OPALIN: variants seen among roughly 807,000 people sequenced by gnomAD.
OPALIN encodes the protein transmembrane protein 10.
OPALIN carries 15 observed loss-of-function variants against 17.8 expected under a neutral mutation model. The ratio of observed to expected loss-of-function variants is 0.84; its 90% CI spans 0.56 to 1.29. OPALIN has a LOEUF of 1.29. Among genes scored for constraint, OPALIN ranks in the 50% most tolerant of loss-of-function variants. The pLI, the probability that OPALIN is intolerant of heterozygous loss-of-function variation, is 0.00. For synonymous variants in OPALIN, 62 were observed against 63.8 expected (o/e 0.97, Z 0.14); for missense variants, 170 against 176.0 (o/e 0.97, Z 0.19).
chr10:96,354,790 T>C (rs1358311577), intron 2 of OPALIN, among the ~76,000 whole-genome samples: 1 of 151,874 alleles, frequency 6.6e-6, no homozygotes, highest in African/African-American at 2.4e-5. Flanking sequence ...TATTCCTCAG[T>C]GCGTTTTGAA....
chr10:96,356,224 AC>A (rs1161753733), intron 1 of OPALIN, among the ~76,000 whole-genome samples: 1 of 151,866 alleles, frequency 6.6e-6, no homozygotes, highest in Non-Finnish European at 1.5e-5. Flanking sequence ...GGTCTCCCTG[AC>A]CCCCAGATAT....
intron 2 of OPALIN, chr10:96,353,495 G>T: frequency 6.9e-7 from 1 of 1,455,892 alleles, no homozygotes; most frequent in South Asian, 1.1e-5. Context: ...GCTAAAAACA[G>T]ACAACACCAG....
In OPALIN at chr10:96,348,334, T is replaced by C. The variant is rs1368747865; in HGVS notation, c.204A>G (p.Arg68=). 6.5e-7 allele frequency: 1 copy of C among 1,530,062 alleles called. No homozygotes were observed. Among genetic ancestry groups the C allele is most frequent in the East Asian group, 2.3e-5 (1 of 44,242 alleles). The allele number at this position is 1,530,062 out of a possible 1,614,324, so 94.8% of individuals were successfully genotyped here. ...CATCAATTTCTGAAATTTCACATGGTCTGTCACTTTCCTAAATTGGAAAAA... is the reference window on the plus strand; with the variant it reads ...CATCAATTTCTGAAATTTCACATGGCCTGTCACTTTCCTAAATTGGAAAAA... ...SSIEAMEESD[R]PCEISEIDDN... is the part of the protein sequence containing the mutation. The change falls in exon 5 of 6, where the codon AGA becomes AGG. Residue 68 remains arginine (R), a synonymous_variant. Coordinates refer to ENST00000371172, the MANE Select transcript of OPALIN (RefSeq NM_033207.5).
chr10:96,352,323 A>G (rs769243906), intron 2 of OPALIN, among the ~76,000 whole-genome samples: 1 of 149,840 alleles, frequency 6.7e-6, no homozygotes, highest in Non-Finnish European at 1.5e-5. Flanking sequence ...ACTTTTGACA[A>G]TTATTAACTC....
rs112566019 is a variant in OPALIN at position 96,355,381 on chromosome 10, G to A, written c.4-91C>T. On this transcript the variant is annotated intron_variant, in intron 1 of 5. Coordinates refer to ENST00000371172, the MANE Select transcript of OPALIN (RefSeq NM_033207.5). ...AAACTCACTGACCCTGGTGGATTCC[G>A]AGAGGTCATTGATCCTATAGACTCA... The A allele has an allele frequency of 1.1e-4, 132 of 1,200,664 alleles. 2 individuals are homozygous for A. The highest frequency in any genetic ancestry group is 7.9e-4 in the African/African-American group (53 of 66,962). The allele number at this position is 1,200,664 out of a possible 1,614,324, so 74.4% of individuals were successfully genotyped here.
At chr10:96,358,031 A>G (rs1218659386) in intron 1 of OPALIN, among the ~76,000 whole-genome samples, 2 of 151,998 alleles carry the variant, frequency 1.3e-5, no homozygotes, top group African/African-American at 4.8e-5. Context: ...CAACCTCCCC[A>G]TGAAGGGAGC....
chr10:96,353,696 G>A (rs1845684659), intron 2 of OPALIN, among the ~76,000 whole-genome samples: 1 of 152,166 alleles, frequency 6.6e-6, no homozygotes, highest in Admixed American at 6.5e-5. Flanking sequence ...TTGATGTGAT[G>A]GGCCAAGATA....
At chr10:96,354,372 A>G (rs897939645) in intron 2 of OPALIN, among the ~76,000 whole-genome samples, 2 of 152,246 alleles carry the variant, frequency 1.3e-5, no homozygotes, top group Non-Finnish European at 2.9e-5. Context: ...TTTAGAATAC[A>G]TACAAGGAAA....
chr10:96,353,262 C>G (rs1845659033), intron 2 of OPALIN, among the ~76,000 whole-genome samples: 1 of 152,204 alleles, frequency 6.6e-6, no homozygotes, highest in African/African-American at 2.4e-5. Flanking sequence ...TAGACTGAAC[C>G]TGGCATTTCA....
At chr10:96,348,265 G>C in intron 5 of OPALIN, 24 bp downstream of exon 5, 1 of 1,262,324 alleles carries the variant, frequency 7.9e-7, no homozygotes, top group Non-Finnish European at 1.2e-6. Context: ...ATGGTATATA[G>C]AGAGTATAAC....
intron 1 of OPALIN, among the ~76,000 whole-genome samples, chr10:96,358,210 A>AAAAAAAAAAAAT (rs1845890110): frequency 6.6e-6 from 1 of 150,642 alleles, no homozygotes; most frequent in Non-Finnish European, 1.5e-5. Flanking sequence ...AAAAAAAAAA[A>AAAAAAAAAAAAT]AAAAAATTCC....
chr10:96,347,213 C>G (rs574154341), intron 5 of OPALIN, among the ~76,000 whole-genome samples: 24 of 151,120 alleles, frequency 1.6e-4, no homozygotes, highest in African/African-American at 5.8e-4. Context: ...TGCTTCAGCC[C>G]CCCACGAAGT....
intron 3 of OPALIN, 152 bp from the exon 4 acceptor site, chr10:96,349,978 ATGTT>A: frequency 1.2e-6 from 1 of 808,190 alleles, no homozygotes; most frequent in South Asian, 2.2e-5. Context: ...CTGTGCAAAA[ATGTT>A]TGTAACACAC....
chr10:96,345,992 CATTTCT>C lies in OPALIN; in HGVS notation c.369_374del (p.Ile123_Glu124del). ...GCCACCACAATCCCCTCCTTCTTTC[CATTTCT>C]ATAGTAGGACGGTAACGGTCATGCA... On this transcript the variant is annotated inframe_deletion, in exon 6 of 6. Transcript: ENST00000371172. 2 of 1,614,164 alleles carry C rather than the reference CATTTCT, an allele frequency of 1.2e-6. No homozygotes were observed. Among genetic ancestry groups the C allele is most frequent in the Non-Finnish European group, 1.7e-6 (2 of 1,180,000 alleles).
At chr10:96,353,406 G>A (rs1298364428) in intron 2 of OPALIN, 2 of 1,613,272 alleles carry the variant, frequency 1.2e-6, no homozygotes, top group African/African-American at 2.7e-5. Flanking sequence ...AAGTGGAAGG[G>A]TTATGCAGTA....
Position 96,348,699 on chromosome 10 carries a change from A to G in OPALIN, c.193-354T>C, listed in dbSNP as rs369998022. Among the ~76,000 whole-genome samples the G allele has an allele frequency of 1.0e-3, 159 of 152,350 alleles. 1 individual carries two copies. Among genetic ancestry groups the G allele is most frequent in the African/African-American group, 3.7e-3 (154 of 41,584 alleles). On this transcript the variant is annotated intron_variant, in intron 4 of 5. Coordinates refer to ENST00000371172, the MANE Select transcript of OPALIN (RefSeq NM_033207.5). ...TTTGTTTTTTCAAGATCAGTGCCACAGCTTTGTCATCCAGAAATTCTGATT... is the reference window on the plus strand; with the variant it reads ...TTTGTTTTTTCAAGATCAGTGCCACGGCTTTGTCATCCAGAAATTCTGATT...
At chr10:96,349,658 A>G (rs1189675757) in intron 4 of OPALIN, 49 bp downstream of exon 4, 2 of 1,582,872 alleles carry the variant, frequency 1.3e-6, no homozygotes, top group Non-Finnish European at 1.7e-6. Context: ...AGTTCACTGA[A>G]ATACTGGTGG....
At chr10:96,356,002 C>T (rs530639942) in intron 1 of OPALIN, among the ~76,000 whole-genome samples, 1 of 152,254 alleles carries the variant, frequency 6.6e-6, no homozygotes, top group Non-Finnish European at 1.5e-5. Context: ...TCCCTAGCCC[C>T]TGTTACTCTA....
At chr10:96,348,463 C>T (rs1171156377) in intron 4 of OPALIN, 118 bp from the exon 5 acceptor site, 11 of 529,610 alleles carry the variant, frequency 2.1e-5, no homozygotes, top group Non-Finnish European at 2.9e-5. Context: ...TACATTAAAA[C>T]AAACAAAACA....
Sources: allele counts gnomAD v4.1 joint callset (sites outside exome capture counted in the v4.1 genomes callset), GRCh38; gene constraint gnomAD v4.1.1; transcripts MANE v1.5; gene names NCBI Gene and HGNC (gene_info 2026-07-23, HGNC 2026-07-21).